The following USP49 variants were observed in gnomAD, a reference collection of about 807,000 sequenced individuals.
USP49 encodes the protein ubiquitin specific peptidase 49.
Under a neutral mutation model 58.6 loss-of-function variants are expected in USP49, and 24 were observed. The ratio of observed to expected loss-of-function variants is 0.41; its 90% CI spans 0.30 to 0.58. USP49 has a LOEUF of 0.58. Ranked by LOEUF, USP49 falls within the 20% of genes least tolerant of loss-of-function variation. The probability of loss-of-function intolerance (pLI) is 0.30; values close to 1 mark genes in which losing one functional copy is unlikely to be tolerated. For synonymous variants in USP49, 408 were observed against 365.1 expected (o/e 1.12, Z -1.34); for missense variants, 703 against 866.1 (o/e 0.81, Z 2.36).
chr6:41,805,661 C>T lies in USP49; in HGVS notation c.1323G>A (p.Val441=). ...GCAGCTGCCCATGAAATATGGTATT[C>T]ACCACCTTTAAGACCTGTTTGGTGA... is the stretch of plus-strand genomic sequence containing the variant. ...RKLTKQVLKV[V]NTIFHGQLLS... The change falls in exon 4 of 8, where the codon GTG becomes GTA. Residue 441 remains valine (V), a synonymous_variant. Coordinates refer to ENST00000682992, the MANE Select transcript of USP49 (RefSeq NM_001286554.2). 1 of 1,614,080 alleles carries T rather than the reference C, an allele frequency of 6.2e-7. No individual in the cohort carries two copies. Among genetic ancestry groups the T allele is most frequent in the Non-Finnish European group, 8.5e-7 (1 of 1,179,974 alleles).
Position 41,806,548 on chromosome 6 carries a change from G to C in USP49, c.436C>G (p.Arg146Gly), listed in dbSNP as rs755033438. ...QPQMLTALWY[R>G]RQRLLARTLR... The stretch of plus-strand genomic sequence containing the variant: ...GTCCTGGCCAGCAGGCGCTGACGCC[G>C]GTACCACAGAGCCGTGAGCATCTGC... The change falls in exon 4 of 8, where the codon CGG (arginine) becomes GGG (glycine). Residue 146 changes from arginine (R) to glycine (G), a missense_variant. Transcript: ENST00000682992. The surrounding 1 kb of genome is among the most constrained non-coding windows in gnomAD (Gnocchi z 5.9). The C allele has an allele frequency of 6.2e-7, 1 of 1,601,486 alleles. No homozygotes were observed. Among genetic ancestry groups the C allele is most frequent in the East Asian group, 2.2e-5 (1 of 44,852 alleles).
chr6:41,852,977 G>A (rs1319553239), intron 3 of USP49, among the ~76,000 whole-genome samples: 4 of 152,180 alleles, frequency 2.6e-5, no homozygotes, highest in African/African-American at 9.7e-5. Flanking sequence ...ATCACCTGAG[G>A]TCAGGAGTTC....
At chr6:41,801,552 C>G (rs146810785) in intron 5 of USP49, among the ~76,000 whole-genome samples, 209 of 152,294 alleles carry the variant, frequency 1.4e-3, no homozygotes, top group African/African-American at 4.8e-3. Flanking sequence ...TATTCCTATT[C>G]ACCATTTTTT....
At chr6:41,815,378 G>A (rs530977516) in intron 3 of USP49, among the ~76,000 whole-genome samples, 31 of 151,522 alleles carry the variant, frequency 2.0e-4, no homozygotes, top group Admixed American at 3.9e-4. Context: ...CCAAGATTGC[G>A]CCACTGCACT....
chr6:41,852,100 C>T (rs1332348343), intron 3 of USP49, among the ~76,000 whole-genome samples: 3 of 151,920 alleles, frequency 2.0e-5, no homozygotes, highest in East Asian at 1.9e-4. Flanking sequence ...ACGAGGAGGG[C>T]GGATCACCTG....
At chr6:41,867,579 T>TA (rs1774340971) in intron 3 of USP49, among the ~76,000 whole-genome samples, 1 of 50,508 alleles carries the variant, frequency 2.0e-5, no homozygotes, top group South Asian at 4.9e-4. Flanking sequence ...CCGTCTCTAC[T>TA]AAAAATACAA....
chr6:41,876,320 C>T (rs1037178719), intron 2 of USP49, among the ~76,000 whole-genome samples: 1 of 148,986 alleles, frequency 6.7e-6, no homozygotes, highest in Non-Finnish European at 1.5e-5. Context: ...TAGATACTTT[C>T]TCTGCATTTT....
chr6:41,853,999 C>CAAAAAAA (rs752353657), intron 3 of USP49, among the ~76,000 whole-genome samples: 4 of 58,862 alleles, frequency 6.8e-5, no homozygotes, highest in East Asian at 5.4e-4. Context: ...GACTCTGTCT[C>CAAAAAAA]GAAAAAAAAA....
chr6:41,855,640 C>T (rs983332361), intron 3 of USP49, among the ~76,000 whole-genome samples: 1 of 152,212 alleles, frequency 6.6e-6, no homozygotes, highest in Admixed American at 6.5e-5. Flanking sequence ...CTTACTGCCA[C>T]ACAATCTGAT....
intron 3 of USP49, among the ~76,000 whole-genome samples, chr6:41,862,932 C>A (rs531753836): frequency 5.9e-5 from 9 of 152,076 alleles, no homozygotes; most frequent in Non-Finnish European, 1.0e-4. Flanking sequence ...CACTACCACA[C>A]CTGGCTAATT....
intron 2 of USP49, among the ~76,000 whole-genome samples, chr6:41,880,445 C>T (rs1055034639): frequency 1.3e-5 from 2 of 152,196 alleles, no homozygotes; most frequent in Admixed American, 6.5e-5. Context: ...GCCCTCCAAG[C>T]GTCCAGCATA....
intron 5 of USP49, among the ~76,000 whole-genome samples, chr6:41,801,577 G>C (rs1772998051): frequency 6.6e-6 from 1 of 152,206 alleles, no homozygotes; most frequent in Admixed American, 6.5e-5. Flanking sequence ...AATTACTGCA[G>C]CTCTGGCTAG....
chr6:41,839,951 T>C (rs1226582352), intron 3 of USP49, among the ~76,000 whole-genome samples: 1 of 152,026 alleles, frequency 6.6e-6, no homozygotes, highest in African/African-American at 2.4e-5. Context: ...AACTTATCCA[T>C]GTAACCAAAA....
intron 7 of USP49, chr6:41,797,499 G>C: frequency 2.3e-6 from 1 of 427,708 alleles, no homozygotes; most frequent in Non-Finnish European, 3.1e-6. Flanking sequence ...GTGAACAGCT[G>C]AAAACACATC....
At chr6:41,861,806 C>A (rs1433138166) in intron 3 of USP49, among the ~76,000 whole-genome samples, 1 of 151,740 alleles carries the variant, frequency 6.6e-6, no homozygotes, top group Non-Finnish European at 1.5e-5. Context: ...TCAAGCAATT[C>A]CCCTACCTCA....
Position 41,806,772 on chromosome 6 carries a change from T to G in USP49, c.212A>C (p.Asp71Ala). Residue 71 changes from aspartate (D) to alanine (A), a missense_variant, in exon 4 of 8, where the codon GAT becomes GCT. By Grantham distance (126) the Asp-to-Ala change is moderately radical (BLOSUM62 -2). This residue lies in a region of USP49 where 376 missense variants were observed against 373.5 expected (regional missense o/e 1.01). Transcript: ENST00000682992. The surrounding 1 kb of genome is among the most constrained non-coding windows in gnomAD (Gnocchi z 5.9). ...TGHPLAMEVR[D>A]LYVFCYLCKD... ...GCACAGGTAACAGAACACGTAGAGA[T>G]CCCGGACTTCCATGGCTAGCGGGTG... The G allele has an allele frequency of 1.2e-6, 2 of 1,614,200 alleles. No individual in the cohort carries two copies. Among genetic ancestry groups the G allele is most frequent in the Non-Finnish European group, 1.7e-6 (2 of 1,180,030 alleles).
chr6:41,811,410 A>G (rs552247868), intron 3 of USP49, among the ~76,000 whole-genome samples: 1 of 152,276 alleles, frequency 6.6e-6, no homozygotes, highest in South Asian at 2.1e-4. Flanking sequence ...GTATTATGTT[A>G]TTATTACTGT....
intron 3 of USP49, among the ~76,000 whole-genome samples, chr6:41,844,495 A>T (rs1773887035): frequency 6.6e-6 from 1 of 151,908 alleles, no homozygotes; most frequent in Non-Finnish European, 1.5e-5. Context: ...TTGTATTTTT[A>T]GTAGAGATGG....
chr6:41,882,738 A>G (rs1369211520), intron 2 of USP49, among the ~76,000 whole-genome samples: 1 of 152,142 alleles, frequency 6.6e-6, no homozygotes, highest in East Asian at 1.9e-4. Context: ...AACACGGTGA[A>G]ACCTCGTCTC....
Sources: gnomAD v4.1 joint callset for allele counts (sites outside exome capture counted in the v4.1 genomes callset) on GRCh38, gnomAD v4.1.1 for gene constraint, gnomAD v4.1.1 regional missense constraint, Gnocchi (gnomAD v3.1) non-coding constraint, MANE v1.5 for transcripts, NCBI Gene and HGNC (gene_info 2026-07-23, HGNC 2026-07-21) for gene names.